Variants in PCDHGA3 observed in about 807,000 individuals in gnomAD.
PCDHGA3 encodes protocadherin gamma-A3.
A neutral mutation model predicts 58.5 loss-of-function variants in PCDHGA3; 40 were observed. The ratio of observed to expected loss-of-function variants is 0.68; its 90% CI spans 0.53 to 0.89. The LOEUF is 0.89. Among genes scored for constraint, PCDHGA3 ranks in the 40% least tolerant of loss-of-function variants. The probability of loss-of-function intolerance (pLI) is 0.00; values close to 1 mark genes in which losing one functional copy is unlikely to be tolerated. For synonymous variants in PCDHGA3, 530 were observed against 525.7 expected (o/e 1.01, Z -0.11); for missense variants, 1,223 against 1,195.9 (o/e 1.02, Z -0.33).
intron 1 of PCDHGA3, chr5:141,351,574 C>G: frequency 1.2e-6 from 2 of 1,614,058 alleles, no homozygotes; most frequent in Non-Finnish European, 1.7e-6. Context: ...CCCTGCACAT[C>G]TCCGACATCA....
chr5:141,357,212 T>A (rs774627882), intron 1 of PCDHGA3: 9 of 1,613,742 alleles, frequency 5.6e-6, no homozygotes, highest in Non-Finnish European at 6.8e-6. Flanking sequence ...ATCCCAGATG[T>A]CCTGGCTGAC....
chr5:141,350,539 C>T, intron 1 of PCDHGA3: 2 of 1,613,968 alleles, frequency 1.2e-6, no homozygotes, highest in Non-Finnish European at 1.7e-6. Flanking sequence ...AGAAGATTTG[C>T]GGAAGGAAAC....
rs199756911 is a variant in PCDHGA3 at position 141,365,042 on chromosome 5, A to T, written c.2424+18585A>T. On this transcript the variant is annotated intron_variant, in intron 1 of 3. Coordinates refer to ENST00000253812, the MANE Select transcript of PCDHGA3 (RefSeq NM_018916.4). ...TGTTACGGTCCTCGACGCAAACGAC[A>T]ATGCGCCCCTGTTCACCCCATCCGA... 1.5e-4 allele frequency: 244 copies of T among 1,613,726 alleles called. No individual in the cohort carries two copies. Among genetic ancestry groups the T allele is most frequent in the Non-Finnish European group, 1.9e-4 (219 of 1,179,898 alleles).
intron 1 of PCDHGA3, chr5:141,366,919 ATTCTGTTT>A: frequency 1.8e-6 from 2 of 1,085,760 alleles, no homozygotes; most frequent in Non-Finnish European, 2.5e-6. Flanking sequence ...TTGTTTTCAA[ATTCTGTTT>A]TGGGAAGTCT....
rs754410220 is a variant in PCDHGA3, at chr5:141,356,929, C to A, written c.2424+10472C>A. Reference sequence around the variant, plus strand: ...TACTGATGGCTCCACTGGTGTGGAGCTGGCACCCCGCTCCGCAGATTCCGG... The same window carrying A: ...TACTGATGGCTCCACTGGTGTGGAGATGGCACCCCGCTCCGCAGATTCCGG... On this transcript the variant is annotated intron_variant, in intron 1 of 3. Coordinates refer to ENST00000253812, the MANE Select transcript of PCDHGA3 (RefSeq NM_018916.4). 18 of 1,614,216 alleles carry A rather than the reference C, an allele frequency of 1.1e-5. No individual in the cohort carries two copies. The South Asian group carries it at 2.0e-4, about 18-fold the overall frequency.
intron 1 of PCDHGA3, among the ~76,000 whole-genome samples, chr5:141,444,735 C>G (rs924159168): frequency 6.6e-6 from 1 of 152,116 alleles, no homozygotes; most frequent in Admixed American, 6.5e-5. Flanking sequence ...TGTTGAAAGT[C>G]ATTTCACTGA....
intron 1 of PCDHGA3, chr5:141,372,158 G>A (rs1466586208): frequency 6.2e-7 from 1 of 1,613,800 alleles, no homozygotes; most frequent in South Asian, 1.1e-5. Flanking sequence ...GCTACCTGGT[G>A]ACCAAGGTGG....
At chr5:141,413,390 C>T (rs1373497766) in intron 1 of PCDHGA3, 1 of 1,614,010 alleles carries the variant, frequency 6.2e-7, no homozygotes, top group African/African-American at 1.3e-5. Context: ...CGCATAGTCT[C>T]CAGAGGTAGG....
intron 1 of PCDHGA3, among the ~76,000 whole-genome samples, chr5:141,466,884 T>G (rs901947336): frequency 2.6e-5 from 4 of 152,212 alleles, no homozygotes; most frequent in Admixed American, 1.3e-4. Flanking sequence ...TTTCATAATA[T>G]GCATTTTCCA....
chr5:141,389,705 G>A (rs770533850), intron 1 of PCDHGA3: 2 of 1,612,552 alleles, frequency 1.2e-6, no homozygotes, highest in Admixed American at 3.3e-5. Context: ...ACCACGTGCT[G>A]CAGGCTAGCG....
In PCDHGA3 at chr5:141,361,541, C is replaced by CCTCTATCG. The variant is rs778689212; in HGVS notation, c.2424+15088_2424+15095dup. ...GTGGCAGAGAACAATCCTCCTGGCGCCTCTATCGCTCAAATCAGTGCCTCT... is the reference window on the plus strand; with the variant it reads ...GTGGCAGAGAACAATCCTCCTGGCGCCTCTATCGCTCTATCGCTCAAATCAGTGCCTCT... On this transcript the variant is annotated intron_variant, in intron 1 of 3. Coordinates refer to ENST00000253812, the MANE Select transcript of PCDHGA3 (RefSeq NM_018916.4). The CCTCTATCG allele has an allele frequency of 6.2e-6, 10 of 1,613,956 alleles. No individual in the cohort carries two copies. In the African/African-American group the frequency reaches 1.2e-4, roughly 19 times the overall value.
intron 3 of PCDHGA3, among the ~76,000 whole-genome samples, chr5:141,509,622 T>C (rs2099877603): frequency 6.6e-6 from 1 of 152,186 alleles, no homozygotes; most frequent in Non-Finnish European, 1.5e-5. Flanking sequence ...AACAAGTTCC[T>C]GGGTGATGCT....
intron 1 of PCDHGA3, chr5:141,411,313 T>C (rs970801897): frequency 6.6e-5 from 10 of 152,224 alleles, no homozygotes; most frequent in African/African-American, 2.4e-4. Context: ...CTCACACCTA[T>C]AATCACAGCA....
In PCDHGA3 at chr5:141,344,822, G is replaced by A. The variant is rs752360843; in HGVS notation, c.789G>A (p.Thr263=). The A allele has an allele frequency of 9.9e-6, 16 of 1,613,830 alleles. No individual in the cohort carries two copies. In the Admixed American group the frequency reaches 1.5e-4, roughly 15 times the overall value. ...ENVPVGTRLL[T]VNATDPDEGF... is the part of the protein sequence containing the mutation. ...TGCCTGTGGGTACCCGGCTGCTCAC[G>A]GTGAATGCCACTGACCCTGACGAGG... The change falls in exon 1 of 4, where the codon ACG becomes ACA. Residue 263 remains threonine, a synonymous_variant. Transcript: ENST00000253812.
intron 1 of PCDHGA3, chr5:141,412,235 A>T (rs2095544372): frequency 6.6e-6 from 1 of 152,260 alleles, no homozygotes. Flanking sequence ...AAAAACCTAT[A>T]TCACTACATC....
intron 1 of PCDHGA3, chr5:141,374,228 G>T (rs776875063): frequency 6.2e-7 from 1 of 1,613,990 alleles, no homozygotes; most frequent in Non-Finnish European, 8.5e-7. Flanking sequence ...AGGCAACATC[G>T]TCAAGGATCT....
In PCDHGA3 at chr5:141,482,326, GAAT is replaced by G. The variant is rs1344469521; in HGVS notation, c.2425-12479_2425-12477del. Among the ~76,000 whole-genome samples, 3 of 152,072 alleles carry G rather than the reference GAAT, an allele frequency of 2.0e-5. No homozygotes were observed. The East Asian group carries it at 5.8e-4, about 29-fold the overall frequency. ...AGTTTCCTCATCTATAAAATAAAGAGAATATCTACTTTGCAAACTTGTTGTGAG... is the reference window on the plus strand; with the variant it reads ...AGTTTCCTCATCTATAAAATAAAGAGATCTACTTTGCAAACTTGTTGTGAG... On this transcript the variant is annotated intron_variant, in intron 1 of 3. Transcript: ENST00000253812.
intron 1 of PCDHGA3, among the ~76,000 whole-genome samples, chr5:141,444,152 ATTTTTTTTTTTTTTTT>A (rs747671382): frequency 6.3e-3 from 214 of 33,896 alleles, no homozygotes; most frequent in African/African-American, 0.023. Flanking sequence ...TGTGTACTGG[ATTTTTTTTTTTTTTTT>A]TTTTTTTTTT....
intron 1 of PCDHGA3, chr5:141,399,577 T>C: frequency 1.2e-6 from 2 of 1,613,972 alleles, no homozygotes; most frequent in Non-Finnish European, 1.7e-6. Context: ...CGGCCAAGTC[T>C]CCTACTCTAT....
Sources: allele counts gnomAD v4.1 joint callset (sites outside exome capture counted in the v4.1 genomes callset), GRCh38; gene constraint gnomAD v4.1.1; transcripts MANE v1.5; gene names NCBI Gene and HGNC (gene_info 2026-07-23, HGNC 2026-07-21).